DENND4A: variants seen among roughly 807,000 people sequenced by gnomAD.
The protein encoded by DENND4A is DENN domain containing 4A, also known as C-myc promoter-binding protein.
In DENND4A, 70 loss-of-function variants were observed where a neutral mutation model predicts 199.3. The observed-to-expected ratio is 0.35, with a 90% CI of 0.29 to 0.43. DENND4A has a LOEUF of 0.43. Among genes scored for constraint, DENND4A ranks in the 20% least tolerant of loss-of-function variants. The pLI is 1.00. For synonymous variants in DENND4A, 686 were observed against 766.9 expected (o/e 0.89, Z 1.74); for missense variants, 1,723 against 2,255.8 (o/e 0.76, Z 4.78).
rs762419834 is a variant in DENND4A at position 65,667,696 on chromosome 15, A to G, written c.4994T>C (p.Leu1665Ser). ...ACTTGGAAGGTGCCATTCTAAACCTAAAGAATCCTGTTGAATAAATAAAAA... is the reference window on the plus strand; with the variant it reads ...ACTTGGAAGGTGCCATTCTAAACCTGAAGAATCCTGTTGAATAAATAAAAA... ...PATLQGATDS[L>S]GLEWHLPSPD... Residue 1665 changes from leucine (L) to serine (S), a missense_variant, in exon 29 of 33, where the codon TTA becomes TCA. Leu to Ser is a moderately radical substitution (Grantham distance 145, BLOSUM62 -2). Transcript: ENST00000443035. The G allele has an allele frequency of 1.2e-6, 2 of 1,610,168 alleles. No individual in the cohort carries two copies. The highest frequency in any genetic ancestry group is 1.7e-6 in the Non-Finnish European group (2 of 1,178,830).
intron 9 of DENND4A, among the ~76,000 whole-genome samples, chr15:65,730,579 A>T (rs2075929211): frequency 6.6e-6 from 1 of 152,158 alleles, no homozygotes; most frequent in South Asian, 2.1e-4. Flanking sequence ...CAACATAGAT[A>T]GACCTTGAAA....
rs1195619581 is a variant in DENND4A, at chr15:65,664,377, A to G, written c.5540T>C (p.Ile1847Thr). The change falls in exon 32 of 33, where the codon ATA becomes ACA. Residue 1847 changes from isoleucine (I) to threonine (T), a missense_variant. Around this residue, in one of 6 missense-constraint regions of DENND4A, gnomAD observed 164 missense variants for 280.1 expected, o/e 0.59. Transcript: ENST00000443035. Reference sequence around the variant, plus strand: ...CAGTGCCACAAGTGAGAGAAATAGTATTTCTCTGTATAAACTCCTAGGGAG... The same window carrying G: ...CAGTGCCACAAGTGAGAGAAATAGTGTTTCTCTGTATAAACTCCTAGGGAG... ...FKRQRSLYREILFLSLVALGR... is the reference protein window; with the variant it reads ...FKRQRSLYRETLFLSLVALGR... 3.7e-6 allele frequency: 6 copies of G among 1,603,088 alleles called. No individual in the cohort carries two copies. The highest frequency in any genetic ancestry group is 5.1e-6 in the Non-Finnish European group (6 of 1,173,496).
At chr15:65,730,893 C>T (rs909104999) in intron 9 of DENND4A, among the ~76,000 whole-genome samples, 1 of 152,018 alleles carries the variant, frequency 6.6e-6, no homozygotes, top group East Asian at 1.9e-4. Context: ...TGAATTATAT[C>T]TCAATAAAGC....
At chr15:65,746,071 G>GTC (rs956746971) in intron 4 of DENND4A, among the ~76,000 whole-genome samples, 4 of 151,604 alleles carry the variant, frequency 2.6e-5, no homozygotes, top group Non-Finnish European at 4.4e-5. Context: ...AACCCAGGAG[G>GTC]CGGAGGTTGC....
At chr15:65,749,477 A>G (rs1405327452) in intron 4 of DENND4A, among the ~76,000 whole-genome samples, 2 of 152,228 alleles carry the variant, frequency 1.3e-5, no homozygotes, top group African/African-American at 2.4e-5. Flanking sequence ...AGATTTAGTT[A>G]TAAGTATGTT....
At chr15:65,666,081 T>C (rs748686778) in intron 29 of DENND4A, among the ~76,000 whole-genome samples, 5 of 152,222 alleles carry the variant, frequency 3.3e-5, no homozygotes, top group Non-Finnish European at 7.3e-5. Flanking sequence ...AATATGAATT[T>C]CAATAGTCCC....
At chr15:65,775,638 A>C (rs2077264861) in intron 1 of DENND4A, among the ~76,000 whole-genome samples, 1 of 56,128 alleles carries the variant, frequency 1.8e-5, no homozygotes, top group Non-Finnish European at 3.1e-5. Flanking sequence ...AAGACTCCTC[A>C]AAAAAAAAAA....
intron 22 of DENND4A, among the ~76,000 whole-genome samples, chr15:65,693,999 T>C (rs1380978557): frequency 6.6e-6 from 1 of 152,126 alleles, no homozygotes; most frequent in Non-Finnish European, 1.5e-5. Flanking sequence ...TACATTACAT[T>C]ATAATATTAA....
chr15:65,788,329 C>A (rs1294359599), intron 1 of DENND4A, among the ~76,000 whole-genome samples: 1 of 152,284 alleles, frequency 6.6e-6, no homozygotes, highest in East Asian at 1.9e-4. Context: ...CCCACCTCGG[C>A]CTCCCAAAGT....
intron 23 of DENND4A, among the ~76,000 whole-genome samples, chr15:65,684,669 C>A (rs2076694180): frequency 3.3e-5 from 5 of 152,030 alleles, no homozygotes; most frequent in Admixed American, 3.3e-4. Flanking sequence ...CATTTTCTTA[C>A]ATTTTCATTT....
At chr15:65,685,876 C>G (rs1330806940) in intron 23 of DENND4A, among the ~76,000 whole-genome samples, 2 of 152,064 alleles carry the variant, frequency 1.3e-5, no homozygotes, top group Non-Finnish European at 1.5e-5. Context: ...AAATTTTATT[C>G]TCTCATCTAT....
chr15:65,661,791 G>T lies in DENND4A; in HGVS notation c.*60C>A. On this transcript the variant is annotated 3_prime_UTR_variant, in exon 33 of 33. Coordinates refer to ENST00000443035, the MANE Select transcript of DENND4A (RefSeq NM_001320835.1). ...AAGAAAAAATATTTAGAGTCTAAAA[G>T]TGTTATTTTATACACTGACTATACA... 1.4e-6 allele frequency: 2 copies of T among 1,386,384 alleles called. No homozygotes were observed. Among genetic ancestry groups the T allele is most frequent in the Non-Finnish European group, 1.9e-6 (2 of 1,031,730 alleles). 85.9% of individuals were successfully genotyped at this position (1,386,384 alleles called of 1,614,324 possible). A position where few individuals can be genotyped will look rare whatever the true frequency, so the allele number is the denominator to read the frequency against.
At chr15:65,740,888 A>G (rs1032665559) in intron 5 of DENND4A, among the ~76,000 whole-genome samples, 3 of 152,060 alleles carry the variant, frequency 2.0e-5, no homozygotes, top group Non-Finnish European at 4.4e-5. Context: ...CTTGAGCACA[A>G]GAGTCTGAGG....
Position 65,706,212 on chromosome 15 carries a change from T to C in DENND4A, c.1966A>G (p.Lys656Glu). Residue 656 changes from lysine (K) to glutamate (E), a missense_variant, in exon 15 of 33, where the codon AAG (lysine) becomes GAG (glutamate). Transcript: ENST00000443035. ...DDCVDKVDMD[K>E]SGEVRLIELD... Reference sequence around the variant, plus strand: ...TCTATAAGTCGTACTTCACCGCTCTTGTCCATATCCACCTAAAGGAGTTTT... The same window carrying C: ...TCTATAAGTCGTACTTCACCGCTCTCGTCCATATCCACCTAAAGGAGTTTT... The C allele has an allele frequency of 3.2e-6, 5 of 1,571,806 alleles. No homozygotes were observed. The highest frequency in any genetic ancestry group is 4.3e-6 in the Non-Finnish European group (5 of 1,158,948).
At chr15:65,733,822 A>T (rs2076031360) in intron 7 of DENND4A, among the ~76,000 whole-genome samples, 3 of 152,234 alleles carry the variant, frequency 2.0e-5, no homozygotes, top group Non-Finnish European at 4.4e-5. Flanking sequence ...GCTGTGTCAA[A>T]CTCAGGGTTA....
At chr15:65,711,304 C>T (rs1484840884) in intron 14 of DENND4A, among the ~76,000 whole-genome samples, 1 of 152,132 alleles carries the variant, frequency 6.6e-6, no homozygotes, top group Non-Finnish European at 1.5e-5. Flanking sequence ...GAGTTCAAGA[C>T]CAACCTGGGC....
At position 65,691,025 on chromosome 15, in the gene DENND4A, A is replaced by C; in HGVS notation, c.3569T>G (p.Ile1190Ser). 6.2e-7 allele frequency: 1 copy of C among 1,612,032 alleles called. No homozygotes were observed. The highest frequency in any genetic ancestry group is 8.5e-7 in the Non-Finnish European group (1 of 1,178,980). ...GCVATQNPKR[I>S]QRMNSSFSVK... ...TGAAAAGCTGCTGTTCATACGTTGA[A>C]TCCTCTTGGGATTTTGTGTAGCAAC... The change falls in exon 23 of 33, where the codon ATT (isoleucine) becomes AGT (serine). Residue 1190 changes from isoleucine (I) to serine (S), a missense_variant. By Grantham distance (142) the Ile-to-Ser change is moderately radical (BLOSUM62 -2). This residue lies in a region of DENND4A where 650 missense variants were observed against 738.1 expected (regional missense o/e 0.88). Coordinates refer to ENST00000443035, the MANE Select transcript of DENND4A (RefSeq NM_001320835.1).
Position 65,791,550 on chromosome 15 carries a change from G to C in DENND4A, c.-102+460C>G, listed in dbSNP as rs1313796541. 2.0e-5 allele frequency among the ~76,000 whole-genome samples: 3 copies of C among 151,878 alleles called. No homozygotes were observed. In the South Asian group the frequency reaches 6.2e-4, roughly 32 times the overall value. ...CCGTGCCCGCGGGCCGGGGAAGGCT[G>C]AACAGACCCTGGGAGGAAAAGTGGG... On this transcript the variant is annotated intron_variant, in intron 1 of 32. Transcript: ENST00000443035.
chr15:65,718,168 C>T (rs533058311), intron 12 of DENND4A, among the ~76,000 whole-genome samples, 172 bp from the exon 13 acceptor site: 2 of 151,998 alleles, frequency 1.3e-5, no homozygotes, highest in African/African-American at 2.4e-5. Context: ...TTGTAGTCTC[C>T]GTTGAGTAAA....
Sources: allele counts gnomAD v4.1 joint callset (sites outside exome capture counted in the v4.1 genomes callset), GRCh38; gene constraint gnomAD v4.1.1; regional missense constraint gnomAD v4.1.1; transcripts MANE v1.5; gene names NCBI Gene and HGNC (gene_info 2026-07-23, HGNC 2026-07-21).